MOB3B: variants seen among roughly 807,000 people sequenced by gnomAD.
MOB3B encodes the protein MOB kinase activator-like 2B.
MOB3B carries 7 observed loss-of-function variants against 18.7 expected under a neutral mutation model. The observed-to-expected ratio is 0.37, with a 90% CI of 0.21 to 0.70. The LOEUF is 0.70. Ranked by LOEUF, MOB3B falls within the 30% of genes least tolerant of loss-of-function variation. The pLI is 0.52. For missense variants in MOB3B, 253 were observed against 281.3 expected (o/e 0.90, Z 0.72); for synonymous variants, 111 against 99.9 (o/e 1.11, Z -0.66).
At chr9:27,413,801 TC>T (rs1822108927) in intron 2 of MOB3B, among the ~76,000 whole-genome samples, 1 of 152,214 alleles carries the variant, frequency 6.6e-6, no homozygotes, top group African/African-American at 2.4e-5. Context: ...TGGGTAAATC[TC>T]AGCACAACTG....
At position 27,325,978 on chromosome 9, in the gene MOB3B, T is replaced by TG. The variant is rs1820705462; in HGVS notation, c.*4608_*4609insC. 6.6e-6 allele frequency: 1 copy of TG among 151,808 alleles called. No individual in the cohort carries two copies. The highest frequency in any genetic ancestry group is 1.5e-5 in the Non-Finnish European group (1 of 67,932). The allele number at this position is 151,808 out of a possible 1,614,324, so 9.4% of individuals were successfully genotyped here. ...TGTTTTGCCAATTAAGGTTTTTTTTTTTTTTTTTTTGAAACAACAACAGTG... is the reference window on the plus strand; with the variant it reads ...TGTTTTGCCAATTAAGGTTTTTTTTTGTTTTTTTTTTGAAACAACAACAGTG... On this transcript the variant is annotated 3_prime_UTR_variant, in exon 4 of 4. Coordinates refer to ENST00000262244, the MANE Select transcript of MOB3B (RefSeq NM_024761.5).
intron 1 of MOB3B, among the ~76,000 whole-genome samples, chr9:27,528,806 T>A (rs1202185055): frequency 6.6e-6 from 1 of 151,422 alleles, no homozygotes; most frequent in Non-Finnish European, 1.5e-5. Context: ...AGATTTAGAG[T>A]CTCTGGTACT....
At chr9:27,348,857 A>G (rs1821067813) in intron 3 of MOB3B, among the ~76,000 whole-genome samples, 2 of 152,162 alleles carry the variant, frequency 1.3e-5, no homozygotes, top group African/African-American at 4.8e-5. Flanking sequence ...GCCAGCAGAA[A>G]CCTAACGTTT....
intron 2 of MOB3B, among the ~76,000 whole-genome samples, chr9:27,444,955 AT>A (rs1822668530): frequency 6.6e-6 from 1 of 152,210 alleles, no homozygotes; most frequent in South Asian, 2.1e-4. Context: ...CTTAGTTGGT[AT>A]TCAAATTTTG....
intron 1 of MOB3B, among the ~76,000 whole-genome samples, chr9:27,458,813 G>A (rs1051246618): frequency 3.9e-5 from 6 of 151,966 alleles, no homozygotes; most frequent in Admixed American, 1.3e-4. Flanking sequence ...GCTCTGGCCT[G>A]ATACCAGTCT....
At chr9:27,492,876 T>C (rs1819841868) in intron 1 of MOB3B, among the ~76,000 whole-genome samples, 1 of 152,170 alleles carries the variant, frequency 6.6e-6, no homozygotes, top group South Asian at 2.1e-4. Context: ...GTTCAGCTAT[T>C]ATTTGCTGTG....
At position 27,455,215 on chromosome 9, in the gene MOB3B, C is replaced by T; in HGVS notation, c.336G>A (p.Leu112=). ...GAAGGTTCATGTACTGGGGAGCTGG[C>T]AGCGCTGTTGGCTTCTTATACTTGA... ...DDLKYKKPTA[L]PAPQYMNLLM... is the part of the protein sequence containing the mutation. The change falls in exon 2 of 4, where the codon CTG becomes CTA. Residue 112 remains leucine (L), a synonymous_variant. Transcript: ENST00000262244. The T allele has an allele frequency of 1.9e-6, 3 of 1,614,130 alleles. No homozygotes were observed. Among genetic ancestry groups the T allele is most frequent in the Non-Finnish European group, 1.7e-6 (2 of 1,180,026 alleles).
chr9:27,357,131 T>TA (rs1821202317), intron 3 of MOB3B, among the ~76,000 whole-genome samples: 1 of 83,916 alleles, frequency 1.2e-5, no homozygotes, highest in Admixed American at 1.5e-4. Context: ...AATATATATA[T>TA]ATATATATAT....
At chr9:27,366,534 C>T (rs1821344663) in intron 2 of MOB3B, among the ~76,000 whole-genome samples, 1 of 152,076 alleles carries the variant, frequency 6.6e-6, no homozygotes, top group African/African-American at 2.4e-5. Context: ...GTTATGGAGG[C>T]CAAAAAAGGA....
At chr9:27,511,978 C>T (rs778681529) in intron 1 of MOB3B, among the ~76,000 whole-genome samples, 2 of 148,608 alleles carry the variant, frequency 1.3e-5, no homozygotes, top group African/African-American at 5.0e-5. Context: ...AAGTTCCAGC[C>T]AATGGAATGG....
chr9:27,483,007 T>A (rs937599260), intron 1 of MOB3B, among the ~76,000 whole-genome samples: 4 of 149,916 alleles, frequency 2.7e-5, no homozygotes, highest in African/African-American at 1.0e-4. Flanking sequence ...CAGTTTAATA[T>A]CTTTAAGAGG....
intron 2 of MOB3B, among the ~76,000 whole-genome samples, chr9:27,437,529 G>T (rs1474406699): frequency 6.6e-6 from 1 of 151,948 alleles, no homozygotes. Flanking sequence ...TTTATTACTG[G>T]TCATTGATGA....
chr9:27,524,477 T>C, intron 1 of MOB3B: 1 of 1,614,090 alleles, frequency 6.2e-7, no homozygotes, highest in Non-Finnish European at 8.5e-7. Flanking sequence ...ATCTGAGACA[T>C]CTGAGTAGTA....
intron 3 of MOB3B, among the ~76,000 whole-genome samples, chr9:27,333,205 C>T (rs780750707): frequency 9.9e-5 from 15 of 151,982 alleles, no homozygotes; most frequent in Non-Finnish European, 1.6e-4. Context: ...TCCTGGGATG[C>T]CTCTTAAATT....
chr9:27,460,762 C>T (rs1563874429), intron 1 of MOB3B, among the ~76,000 whole-genome samples: 1 of 152,096 alleles, frequency 6.6e-6, no homozygotes, highest in Non-Finnish European at 1.5e-5. Context: ...AGAGAAATGC[C>T]CCAGAAACAC....
At chr9:27,499,393 C>A (rs1338736344) in intron 1 of MOB3B, among the ~76,000 whole-genome samples, 1 of 152,120 alleles carries the variant, frequency 6.6e-6, no homozygotes, top group African/African-American at 2.4e-5. Context: ...AGAGTCATCA[C>A]GTAAACAAAT....
In MOB3B at chr9:27,327,679, T is replaced by G. The variant is rs1820732489; in HGVS notation, c.*2908A>C. 6.6e-6 allele frequency: 1 copy of G among 152,102 alleles called. No individual in the cohort carries two copies. Among genetic ancestry groups the G allele is most frequent in the African/African-American group, 2.4e-5 (1 of 41,420 alleles). The allele number at this position is 152,102 out of a possible 1,614,324, so 9.4% of individuals were successfully genotyped here. A position where few individuals can be genotyped will look rare whatever the true frequency, so the allele number is the denominator to read the frequency against. On this transcript the variant is annotated 3_prime_UTR_variant, in exon 4 of 4. Coordinates refer to ENST00000262244, the MANE Select transcript of MOB3B (RefSeq NM_024761.5). ...AATGACAACTACATATAACGTATAATTCTTGATTGGATCCTGGATTTAAAA... is the reference window on the plus strand; with the variant it reads ...AATGACAACTACATATAACGTATAAGTCTTGATTGGATCCTGGATTTAAAA...
rs1342627039 is a variant in MOB3B, at chr9:27,330,436, TG to T, written c.*150del. On this transcript the variant is annotated 3_prime_UTR_variant, in exon 4 of 4. Coordinates refer to ENST00000262244, the MANE Select transcript of MOB3B (RefSeq NM_024761.5). ...GAAGGTTAAGAGCACACAAAGTGAG[TG>T]GGGAATGTCTCTCAGGAGTCACTGC... The T allele has an allele frequency of 9.6e-6, 9 of 938,840 alleles. No individual in the cohort carries two copies. Among genetic ancestry groups the T allele is most frequent in the African/African-American group, 8.3e-5 (5 of 59,956 alleles). 58.2% of individuals were successfully genotyped at this position (938,840 alleles called of 1,614,324 possible).
At chr9:27,526,220 G>A (rs1239790745) in intron 1 of MOB3B, 2 of 152,214 alleles carry the variant, frequency 1.3e-5, no homozygotes, top group Non-Finnish European at 2.9e-5. Flanking sequence ...TGATAAAAGT[G>A]AGGCAAATTT....
Sources: allele counts gnomAD v4.1 joint callset (sites outside exome capture counted in the v4.1 genomes callset), GRCh38; gene constraint gnomAD v4.1.1; transcripts MANE v1.5; gene names NCBI Gene and HGNC (gene_info 2026-07-23, HGNC 2026-07-21).